Variants in NLGN4X observed in about 807,000 individuals in gnomAD.
NLGN4X encodes the protein neuroligin-4, X-linked.
NLGN4X carries 3 observed loss-of-function variants against 40.3 expected under a neutral mutation model. The ratio of observed to expected loss-of-function variants is 0.07; its 90% confidence interval spans 0.03 to 0.19. The LOEUF (loss-of-function observed/expected upper bound fraction) is 0.19. Ranked by LOEUF, NLGN4X falls within the 10% of genes least tolerant of loss-of-function variation. The pLI, the probability that NLGN4X is intolerant of heterozygous loss-of-function variation, is 1.00. For synonymous variants in NLGN4X, 270 were observed against 306.8 expected, an observed-to-expected ratio of 0.88 and a Z score of 1.25; for missense variants, 382 against 708.3, an observed-to-expected ratio of 0.54 and a Z score of 5.23.
At chrX:6,024,529 G>T (rs1407285401) in intron 3 of NLGN4X, among the ~76,000 whole-genome samples, 1 of 110,619 alleles carries the variant, frequency 9.0e-6, no homozygotes, top group Non-Finnish European at 1.9e-5. Context: ...GAGACAGGAG[G>T]TCAGCACAAG....
chrX:6,075,229 G>A (rs960858732), intron 2 of NLGN4X, among the ~76,000 whole-genome samples: 1 of 111,498 alleles, frequency 9.0e-6, no homozygotes, highest in Non-Finnish European at 1.9e-5. Flanking sequence ...ACTGGACAAG[G>A]TGCAAAGAGC....
chrX:5,940,271 A>C (rs2033880345), intron 3 of NLGN4X, among the ~76,000 whole-genome samples: 1 of 112,370 alleles, frequency 8.9e-6, no homozygotes, highest in African/African-American at 3.2e-5. Flanking sequence ...ACTATCCCTT[A>C]AACCACTGGC....
intron 2 of NLGN4X, among the ~76,000 whole-genome samples, chrX:6,035,727 A>C (rs1238019788): frequency 9.0e-6 from 1 of 111,392 alleles, no homozygotes; most frequent in Non-Finnish European, 1.9e-5. Context: ...CACCCCTGAG[A>C]CTGCAAGACC....
intron 1 of NLGN4X, among the ~76,000 whole-genome samples, chrX:6,213,188 G>A (rs780124486): frequency 1.7e-4 from 19 of 110,893 alleles, no homozygotes; most frequent in African/African-American, 5.3e-4. Flanking sequence ...AGTAGTCACC[G>A]TTGCTAGGGT....
At chrX:6,014,633 A>C (rs769264370) in intron 3 of NLGN4X, among the ~76,000 whole-genome samples, 8 of 111,967 alleles carry the variant, frequency 7.1e-5, no homozygotes, top group Non-Finnish European at 1.5e-4. Context: ...TCGAACCCTG[A>C]GAGTGCAGAG....
chrX:5,899,560 T>C (rs755138576), intron 5 of NLGN4X, among the ~76,000 whole-genome samples: 23 of 111,760 alleles, frequency 2.1e-4, no homozygotes, highest in Non-Finnish European at 4.1e-4. Context: ...GAGATCATTG[T>C]GGTATTCTCT....
intron 2 of NLGN4X, among the ~76,000 whole-genome samples, chrX:6,077,268 TTTTGTGTG>T (rs1175081775): frequency 1.0e-5 from 1 of 99,382 alleles, no homozygotes; most frequent in Non-Finnish European, 2.1e-5. Context: ...CAAAATTTTA[TTTTGTGTG>T]TGTGTGTGTG....
At chrX:6,161,417 T>A (rs1423228445) in intron 1 of NLGN4X, among the ~76,000 whole-genome samples, 1 of 97,703 alleles carries the variant, frequency 1.0e-5, no homozygotes, top group Non-Finnish European at 2.0e-5. Context: ...ATATATAATA[T>A]AGGATATAAA....
rs2039288866 is a variant in NLGN4X, at chrX:6,116,315, A to AAAAC, written c.472+34679_472+34680insGTTT. Among the ~76,000 whole-genome samples, 3 of 94,305 alleles carry AAAAC rather than the reference A, an allele frequency of 3.2e-5. 1 individual carries two copies. Among genetic ancestry groups the AAAAC allele is most frequent in the African/African-American group, 1.3e-4 (3 of 23,426 alleles). The allele number at this position is 94,305 out of a possible 115,157, so 81.9% of individuals were successfully genotyped here. ...CAAAAAAAAAAAAAAAAAAAAAAAA[A>AAAAC]AACACTGTGAAAGAGCGGAAACTTT... On this transcript the variant is annotated intron_variant, in intron 2 of 5. Transcript: ENST00000381095.
chrX:5,973,480 C>T (rs1451597680), intron 3 of NLGN4X, among the ~76,000 whole-genome samples: 1 of 111,966 alleles, frequency 8.9e-6, no homozygotes, highest in African/African-American at 3.2e-5. Flanking sequence ...TTGTTTAGTC[C>T]TCTAAAACTC....
At chrX:6,152,686 TCA>T (rs1326950500) in intron 1 of NLGN4X, among the ~76,000 whole-genome samples, 4 of 112,498 alleles carry the variant, frequency 3.6e-5, no homozygotes, top group Non-Finnish European at 5.6e-5. Flanking sequence ...GCTCTGAATC[TCA>T]GTTTCCTTGT....
intron 3 of NLGN4X, chrX:5,991,595 C>T: frequency 2.1e-6 from 1 of 472,366 alleles, no homozygotes; most frequent in Non-Finnish European, 4.0e-6. Context: ...GGAAATAAGG[C>T]CCCTTTCTCA....
chrX:6,205,635 A>G (rs1284804794), intron 1 of NLGN4X, among the ~76,000 whole-genome samples: 2 of 112,325 alleles, frequency 1.8e-5, no homozygotes, highest in African/African-American at 6.5e-5. Flanking sequence ...GAGAAACCCA[A>G]CGTTGCAGTT....
chrX:5,897,250 A>G (rs988866127), intron 5 of NLGN4X, among the ~76,000 whole-genome samples: 6 of 111,719 alleles, frequency 5.4e-5, no homozygotes, highest in African/African-American at 2.0e-4. Flanking sequence ...TTATAAATAA[A>G]CCAAGATTCC....
At chrX:6,102,482 A>G (rs1027279920) in intron 2 of NLGN4X, among the ~76,000 whole-genome samples, 18 of 110,709 alleles carry the variant, frequency 1.6e-4, no homozygotes, top group African/African-American at 5.3e-4. Context: ...GGCGCTGTCT[A>G]TGAATCAGGA....
At chrX:5,911,151 C>A (rs1569125116) in intron 3 of NLGN4X, among the ~76,000 whole-genome samples, 1 of 111,623 alleles carries the variant, frequency 9.0e-6, no homozygotes, top group Non-Finnish European at 1.9e-5. Flanking sequence ...GCAATGCTTT[C>A]TTCCCCTATT....
At chrX:6,156,247 C>T (rs920105797) in intron 1 of NLGN4X, among the ~76,000 whole-genome samples, 4 of 112,171 alleles carry the variant, frequency 3.6e-5, no homozygotes, top group Admixed American at 1.9e-4. Context: ...CGGTGGCTCA[C>T]GCCTGTAATC....
chrX:5,908,532 C>T (rs1371957243), intron 4 of NLGN4X, among the ~76,000 whole-genome samples: 1 of 110,158 alleles, frequency 9.1e-6, no homozygotes, highest in Non-Finnish European at 1.9e-5. Flanking sequence ...CAAAAAAAAA[C>T]AAAAGTGTCA....
chrX:6,102,616 AAG>A (rs10699626), intron 2 of NLGN4X, among the ~76,000 whole-genome samples: 2 of 106,346 alleles, frequency 1.9e-5, no homozygotes. Flanking sequence ...TTGCTGAACT[AAG>A]AGAGAGAGAG....
Sources: gnomAD v4.1 joint callset for allele counts (sites outside exome capture counted in the v4.1 genomes callset) on GRCh38, gnomAD v4.1.1 for gene constraint, MANE v1.5 for transcripts, NCBI Gene and HGNC (gene_info 2026-07-23, HGNC 2026-07-21) for gene names.